Variants in CHD1L observed in about 807,000 individuals in gnomAD.
CHD1L encodes ATP-dependent chromatin remodeler CHD1L.
CHD1L carries 118 observed loss-of-function variants against 115.9 expected under a neutral mutation model. The ratio of observed to expected loss-of-function variants is 1.02; its 90% CI spans 0.88 to 1.19. The LOEUF is 1.19. CHD1L is among the 50% of genes most tolerant of loss of function. The probability of loss-of-function intolerance (pLI) is 0.00; values close to 1 mark genes in which losing one functional copy is unlikely to be tolerated. For synonymous variants in CHD1L, 411 were observed against 387.1 expected, an observed-to-expected ratio of 1.06 and a Z score of -0.72; for missense variants, 1,179 against 1,065.3, an observed-to-expected ratio of 1.11 and a Z score of -1.49.
At chr1:147,286,244 A>C in intron 17 of CHD1L, 54 bp from the exon 18 acceptor site, 3 of 1,566,500 alleles carry the variant, frequency 1.9e-6, no homozygotes, top group Middle Eastern at 3.7e-4. Flanking sequence ...AATGTGCTCC[A>C]AGGGAAATTG....
chr1:147,292,612 A>G (rs1363630795), intron 20 of CHD1L, among the ~76,000 whole-genome samples: 2 of 152,254 alleles, frequency 1.3e-5, no homozygotes, highest in African/African-American at 4.8e-5. Flanking sequence ...CATGCTGTAC[A>G]GGAAGCCTGA....
intron 15 of CHD1L, among the ~76,000 whole-genome samples, chr1:147,281,186 C>G (rs1208438446): frequency 2.0e-5 from 3 of 152,204 alleles, no homozygotes; most frequent in Non-Finnish European, 4.4e-5. Context: ...CATACCTTCC[C>G]TTCTGTTCAG....
chr1:147,285,680 A>G (rs1413881185), intron 17 of CHD1L, among the ~76,000 whole-genome samples, 193 bp downstream of exon 17: 2 of 152,136 alleles, frequency 1.3e-5, no homozygotes, highest in African/African-American at 4.8e-5. Context: ...GGGAAGATGC[A>G]TTCCATTAAA....
intron 22 of CHD1L, 76 bp from the exon 23 acceptor site, chr1:147,295,355 A>G (rs782573099): frequency 2.2e-6 from 2 of 926,168 alleles, no homozygotes; most frequent in Non-Finnish European, 3.5e-6. Flanking sequence ...TATTTCAATA[A>G]TTACTAGAGA....
chr1:147,231,595 T>C, the CHD1L span, among the ~76,000 whole-genome samples: 3 of 152,188 alleles, frequency 2.0e-5, no homozygotes, highest in Admixed American at 2.0e-4. Flanking sequence ...CTGTCTAATG[T>C]TGACAGTGGG....
chr1:147,208,938 A>G, the CHD1L span: 13 of 1,614,148 alleles, frequency 8.1e-6, no homozygotes, highest in Non-Finnish European at 1.1e-5. Context: ...ATGATTGGCC[A>G]CAGATCTTCC....
the CHD1L span, chr1:147,208,763 G>T: frequency 6.5e-6 from 7 of 1,070,084 alleles, no homozygotes; most frequent in Non-Finnish European, 1.0e-5. Context: ...TAATGTATGG[G>T]TAGAGGTGGC....
intron 1 of CHD1L, among the ~76,000 whole-genome samples, chr1:147,247,702 A>G (rs1347840900): frequency 2.6e-5 from 4 of 152,182 alleles, no homozygotes; most frequent in Non-Finnish European, 4.4e-5. Context: ...ATGGCACTTG[A>G]AAACAATGTG....
chr1:147,289,949 A>G (rs1553968922), intron 19 of CHD1L, among the ~76,000 whole-genome samples: 2 of 152,218 alleles, frequency 1.3e-5, no homozygotes, highest in Admixed American at 1.3e-4. Context: ...TGGAATGGGT[A>G]ATAGCTGGTC....
chr1:147,222,334 C>T, the CHD1L span, among the ~76,000 whole-genome samples: 8 of 152,154 alleles, frequency 5.3e-5, no homozygotes, highest in Admixed American at 5.2e-4. Context: ...CGCCACTATA[C>T]TCCAGCCTGG....
the CHD1L span, among the ~76,000 whole-genome samples, chr1:147,207,338 G>T: frequency 5.9e-5 from 9 of 152,050 alleles, no homozygotes; most frequent in Non-Finnish European, 1.3e-4. Flanking sequence ...AGGATATATG[G>T]GTGCTCATTG....
chr1:147,279,155 C>T (rs782349301), intron 14 of CHD1L, among the ~76,000 whole-genome samples: 3 of 152,278 alleles, frequency 2.0e-5, no homozygotes, highest in South Asian at 4.1e-4. Flanking sequence ...TCTATTGTTT[C>T]TTCAAGCTGT....
At chr1:147,267,353 A>C in intron 8 of CHD1L, 73 bp from the exon 9 acceptor site, 1 of 1,105,450 alleles carries the variant, frequency 9.0e-7, no homozygotes, top group South Asian at 1.4e-5. Flanking sequence ...ACTTGTAAAA[A>C]CTCAGGGTTT....
At chr1:147,196,345 T>A in the CHD1L span, among the ~76,000 whole-genome samples, 5 of 152,078 alleles carry the variant, frequency 3.3e-5, no homozygotes, top group African/African-American at 1.2e-4. Flanking sequence ...TAATCATAGG[T>A]CTCTTCGGAT....
the CHD1L span, among the ~76,000 whole-genome samples, chr1:147,212,840 C>T: frequency 6.6e-6 from 1 of 152,014 alleles, no homozygotes; most frequent in Non-Finnish European, 1.5e-5. Context: ...ATCTTTTCAT[C>T]CCCTTAAATA....
the CHD1L span, among the ~76,000 whole-genome samples, chr1:147,199,967 A>C: frequency 6.6e-6 from 1 of 152,192 alleles, no homozygotes; most frequent in Non-Finnish European, 1.5e-5. Flanking sequence ...CCATAGAATC[A>C]GTGAATTTCT....
chr1:147,278,857 ACCT>A (rs1679691151), intron 14 of CHD1L, among the ~76,000 whole-genome samples: 1 of 152,084 alleles, frequency 6.6e-6, no homozygotes. Flanking sequence ...GCACTCTCTA[ACCT>A]CCGAGCACAT....
At chr1:147,181,904 T>A in the CHD1L span, among the ~76,000 whole-genome samples, 7 of 152,264 alleles carry the variant, frequency 4.6e-5, no homozygotes, top group African/African-American at 1.7e-4. Flanking sequence ...CCAGAGTGAA[T>A]GAACTGAAAA....
the CHD1L span, chr1:147,178,306 C>G: frequency 5.6e-4 from 899 of 1,612,976 alleles, 12 homozygotes; most frequent in South Asian, 9.4e-3. Flanking sequence ...GAGACTTGCT[C>G]CTGAGTATGA....
Sources: allele counts gnomAD v4.1 joint callset (sites outside exome capture counted in the v4.1 genomes callset), GRCh38; gene constraint gnomAD v4.1.1; transcripts MANE v1.5; gene names NCBI Gene and HGNC (gene_info 2026-07-23, HGNC 2026-07-21).